PDE4D: variants seen among roughly 807,000 people sequenced by gnomAD.
The protein encoded by PDE4D is phosphodiesterase 4D, also known as 3',5'-cyclic-AMP phosphodiesterase 4D.
In PDE4D, 24 loss-of-function variants were observed where a neutral mutation model predicts 87.4. The ratio of observed to expected loss-of-function variants is 0.27; its 90% confidence interval spans 0.20 to 0.39. PDE4D has a LOEUF of 0.39. Ranked by LOEUF, PDE4D falls within the 10% of genes least tolerant of loss-of-function variation. PDE4D has a pLI of 1.00. For synonymous variants in PDE4D, 384 were observed against 383.2 expected, an observed-to-expected ratio of 1.00 and a Z score of -0.02; for missense variants, 714 against 1,041.0, an observed-to-expected ratio of 0.69 and a Z score of 4.32.
At chr5:60,477,280 A>G (rs1385572612) in intron 1 of PDE4D, among the ~76,000 whole-genome samples, 1 of 152,188 alleles carries the variant, frequency 6.6e-6, no homozygotes, top group African/African-American at 2.4e-5. Flanking sequence ...TAAAACTGAA[A>G]AAGAACCAAC....
At chr5:59,416,518 G>A (rs1280171307) in intron 1 of PDE4D, among the ~76,000 whole-genome samples, 2 of 152,018 alleles carry the variant, frequency 1.3e-5, no homozygotes, top group Non-Finnish European at 2.9e-5. Flanking sequence ...AACTAAAGGT[G>A]GACAACTTCA....
chr5:59,513,513 C>A (rs1171421948), intron 1 of PDE4D, among the ~76,000 whole-genome samples: 1 of 152,134 alleles, frequency 6.6e-6, no homozygotes, highest in Non-Finnish European at 1.5e-5. Flanking sequence ...CTAGTTCAAC[C>A]TCCTTTCACA....
At chr5:58,981,428 ATAAATACT>A (rs1745113535) in intron 11 of PDE4D, among the ~76,000 whole-genome samples, 1 of 151,706 alleles carries the variant, frequency 6.6e-6, no homozygotes, top group South Asian at 2.1e-4. Flanking sequence ...ATGATATAAA[ATAAATACT>A]TAAATACTAA....
chr5:59,023,983 A>T (rs1416331131), intron 6 of PDE4D, among the ~76,000 whole-genome samples: 6 of 150,708 alleles, frequency 4.0e-5, no homozygotes, highest in Non-Finnish European at 5.9e-5. Flanking sequence ...ATTCACTGCA[A>T]CCTCTACCTC....
chr5:60,311,935 T>C (rs993463416), intron 1 of PDE4D, among the ~76,000 whole-genome samples: 4 of 152,134 alleles, frequency 2.6e-5, no homozygotes, highest in African/African-American at 7.2e-5. Context: ...AAACTGACAA[T>C]GATCAAAAAG....
intron 5 of PDE4D, among the ~76,000 whole-genome samples, chr5:59,121,175 C>T (rs576469515): frequency 2.0e-5 from 3 of 152,210 alleles, no homozygotes; most frequent in Non-Finnish European, 4.4e-5. Context: ...AAGCACAGGC[C>T]ACACGACCAA....
intron 2 of PDE4D, among the ~76,000 whole-genome samples, chr5:60,005,487 T>C (rs956586884): frequency 1.2e-4 from 18 of 151,900 alleles, no homozygotes; most frequent in Admixed American, 3.9e-4. Context: ...CACACACATA[T>C]ACACACACAT....
chr5:59,632,712 C>T (rs564059726), intron 1 of PDE4D, among the ~76,000 whole-genome samples: 1 of 152,232 alleles, frequency 6.6e-6, no homozygotes, highest in African/African-American at 2.4e-5. Flanking sequence ...GATGACCACA[C>T]AAAAACTCCA....
At chr5:59,874,063 A>T (rs868072304) in intron 1 of PDE4D, among the ~76,000 whole-genome samples, 17 of 152,028 alleles carry the variant, frequency 1.1e-4, no homozygotes, top group South Asian at 6.2e-4. Flanking sequence ...ATTTTTTTTT[A>T]AAAAAATGGC....
intron 6 of PDE4D, among the ~76,000 whole-genome samples, chr5:59,029,331 G>A (rs1284667013): frequency 3.3e-5 from 5 of 150,176 alleles, no homozygotes; most frequent in South Asian, 2.1e-4. Flanking sequence ...GCAGGAGAAC[G>A]GCGTGAACCT....
At chr5:59,205,891 C>T (rs1375917321) in intron 2 of PDE4D, among the ~76,000 whole-genome samples, 1 of 152,124 alleles carries the variant, frequency 6.6e-6, no homozygotes, top group Non-Finnish European at 1.5e-5. Flanking sequence ...TATTGGGAGA[C>T]AACATCATTT....
chr5:60,313,293 T>C (rs1755221340), intron 1 of PDE4D, among the ~76,000 whole-genome samples: 1 of 152,066 alleles, frequency 6.6e-6, no homozygotes, highest in African/African-American at 2.4e-5. Flanking sequence ...TCAGAGACTA[T>C]AATGAACACC....
At chr5:59,215,651 A>T in intron 2 of PDE4D, 126 bp downstream of exon 2, 13 of 706,630 alleles carry the variant, frequency 1.8e-5, no homozygotes, top group South Asian at 3.6e-5. Flanking sequence ...GTATAATTTT[A>T]TTCATATTCT....
intron 2 of PDE4D, among the ~76,000 whole-genome samples, chr5:60,180,539 G>A (rs1784295949): frequency 6.6e-6 from 1 of 152,102 alleles, no homozygotes; most frequent in Admixed American, 6.5e-5. Context: ...AGACAGGGTG[G>A]TGAAATAATT....
intron 3 of PDE4D, among the ~76,000 whole-genome samples, chr5:59,975,229 G>A (rs1204840680): frequency 1.3e-5 from 2 of 152,130 alleles, no homozygotes; most frequent in African/African-American, 2.4e-5. Context: ...AGTCCTGGGT[G>A]ACTTTGATGT....
intron 1 of PDE4D, among the ~76,000 whole-genome samples, chr5:60,216,003 C>T (rs79987982): frequency 1.6e-4 from 24 of 152,112 alleles, no homozygotes; most frequent in African/African-American, 5.1e-4. Context: ...GTTGGAGAAA[C>T]TTAGGAAGGA....
chr5:59,326,690 A>G (rs1775729155), intron 1 of PDE4D, among the ~76,000 whole-genome samples: 1 of 152,192 alleles, frequency 6.6e-6, no homozygotes, highest in South Asian at 2.1e-4. Flanking sequence ...CCTGCACTAC[A>G]GACATTGACA....
intron 1 of PDE4D, among the ~76,000 whole-genome samples, chr5:59,786,519 G>A (rs530824320): frequency 1.3e-5 from 2 of 152,190 alleles, no homozygotes; most frequent in Non-Finnish European, 2.9e-5. Context: ...GAGGCTATCC[G>A]AGTGATGATG....
At chr5:59,802,867 A>T (rs1318673915) in intron 1 of PDE4D, among the ~76,000 whole-genome samples, 1 of 152,200 alleles carries the variant, frequency 6.6e-6, no homozygotes, top group Admixed American at 6.5e-5. Flanking sequence ...TAGGCAGTGC[A>T]GGGATATAGA....
Sources: gnomAD v4.1 joint callset for allele counts (sites outside exome capture counted in the v4.1 genomes callset) on GRCh38, gnomAD v4.1.1 for gene constraint, MANE v1.5 for transcripts, NCBI Gene and HGNC (gene_info 2026-07-23, HGNC 2026-07-21) for gene names.